The following KCNH3 variants were observed in gnomAD, a reference collection of about 807,000 sequenced individuals.
The protein encoded by KCNH3 is voltage-gated inwardly rectifying potassium channel KCNH3.
Under a neutral mutation model 95.6 loss-of-function variants are expected in KCNH3, and 36 were observed. The observed-to-expected ratio is 0.38, with a 90% confidence interval of 0.29 to 0.50. The LOEUF (loss-of-function observed/expected upper bound fraction) is 0.50. KCNH3 is among the 20% of genes least tolerant of loss of function. The pLI is 0.95. For missense variants in KCNH3, 1,030 were observed against 1,484.1 expected (o/e 0.69, Z 5.03); for synonymous variants, 620 against 646.3 (o/e 0.96, Z 0.62).
Position 49,554,543 on chromosome 12 carries a change from G to A in KCNH3, c.2125G>A (p.Gly709Ser). The A allele has an allele frequency of 1.2e-6, 2 of 1,612,768 alleles. No individual in the cohort carries two copies. Among genetic ancestry groups the A allele is most frequent in the Non-Finnish European group, 1.7e-6 (2 of 1,179,358 alleles). Reference sequence around the variant, plus strand: ...CAGCTACAACCTGGGTGCTGGGGGAGGCTCTGCAGAGGTGAGTGTGCTGAG... The same window carrying A: ...CAGCTACAACCTGGGTGCTGGGGGAAGCTCTGCAGAGGTGAGTGTGCTGAG... ...ELSYNLGAGG[G>S]SAEVDTSSLS... is the part of the protein sequence containing the mutation. The change falls in exon 11 of 15, where the codon GGC (glycine) becomes AGC (serine). Residue 709 changes from glycine (G) to serine (S), a missense_variant. This residue lies in a region of KCNH3 where 464 missense variants were observed against 493.2 expected (regional missense o/e 0.94). Transcript: ENST00000257981.
rs371807321 is a variant in KCNH3 at position 49,556,376 on chromosome 12, A to G, written c.2475A>G (p.Val825=). The G allele has an allele frequency of 6.8e-6, 11 of 1,612,688 alleles. No homozygotes were observed. In the East Asian group the frequency reaches 2.0e-4, roughly 29 times the overall value. ...NVPPDLSPRV[V]DGIEDGCGSD... ...CTGGTACCTGGGTTCACAGGGTAGTAGATGGCATTGAAGACGGCTGTGGCT... is the reference window on the plus strand; with the variant it reads ...CTGGTACCTGGGTTCACAGGGTAGTGGATGGCATTGAAGACGGCTGTGGCT... The change falls in exon 13 of 15, where the codon GTA becomes GTG. Residue 825 remains valine, a synonymous_variant. Coordinates refer to ENST00000257981, the MANE Select transcript of KCNH3 (RefSeq NM_012284.3).
At chr12:49,545,381 C>T (rs543616651) in intron 7 of KCNH3, among the ~76,000 whole-genome samples, 1 of 151,346 alleles carries the variant, frequency 6.6e-6, no homozygotes, top group South Asian at 2.1e-4. Context: ...TGACATTTAG[C>T]CGGGTTTCCA....
intron 9 of KCNH3, among the ~76,000 whole-genome samples, 178 bp downstream of exon 9, chr12:49,549,818 T>G (rs1272911062): frequency 6.6e-6 from 1 of 152,228 alleles, no homozygotes; most frequent in Non-Finnish European, 1.5e-5. Flanking sequence ...GAGGGCCCTC[T>G]GAACCGCAGT....
intron 11 of KCNH3, among the ~76,000 whole-genome samples, 157 bp from the exon 12 acceptor site, chr12:49,555,463 G>A (rs926744070): frequency 6.8e-6 from 1 of 147,494 alleles, no homozygotes; most frequent in African/African-American, 2.6e-5. Context: ...AAAAAAAAAA[G>A]ATAGTATCAT....
chr12:49,545,700 G>A (rs771150525), intron 7 of KCNH3, among the ~76,000 whole-genome samples: 1 of 151,946 alleles, frequency 6.6e-6, no homozygotes, highest in East Asian at 1.9e-4. Context: ...AGGTGGCCTC[G>A]TATGACTGTC....
chr12:49,539,493 G>A lies in KCNH3; in HGVS notation c.76+1G>A. ...ATCGCTACGCGCTTCGACGGCACGC[G>A]TGAGTCCGACCCTCGCCCACTTGCA... On this transcript the variant is annotated splice_donor_variant, in intron 1 of 14. Transcript: ENST00000257981. LOFTEE classifies it high-confidence loss of function. This position sits in a 1 kb window ranked among gnomAD's most constrained non-coding sequence, Gnocchi z 6.7. 6.3e-7 allele frequency: 1 copy of A among 1,587,670 alleles called. No individual in the cohort carries two copies. The highest frequency in any genetic ancestry group is 8.6e-7 in the Non-Finnish European group (1 of 1,169,010).
In KCNH3 at chr12:49,557,845, AG is replaced by A; in HGVS notation, c.3149del (p.Gly1050AlafsTer39). ...TSTGEPPPGS[G>X]GLALPWDPHS... Reference sequence around the variant, plus strand: ...GCACTGGAGAGCCCCCACCAGGGTCAGGGGGCCTGGCCTTGCCCTGGGACCC... The same window carrying A: ...GCACTGGAGAGCCCCCACCAGGGTCAGGGGCCTGGCCTTGCCCTGGGACCC... On this transcript the variant is annotated frameshift_variant, in exon 15 of 15. Transcript: ENST00000257981. LOFTEE classifies it high-confidence loss of function. 2 of 1,594,706 alleles carry A rather than the reference AG, an allele frequency of 1.3e-6. No homozygotes were observed. The highest frequency in any genetic ancestry group is 1.7e-6 in the Non-Finnish European group (2 of 1,168,202).
chr12:49,556,776 C>T (rs1053913615), intron 13 of KCNH3: 55 of 662,040 alleles, frequency 8.3e-5, no homozygotes, highest in African/African-American at 8.0e-4. Flanking sequence ...TTGATGTTTA[C>T]GTTATATAAT....
At chr12:49,543,610 G>A in intron 5 of KCNH3, 92 bp downstream of exon 5, 1 of 1,472,578 alleles carries the variant, frequency 6.8e-7, no homozygotes, top group Non-Finnish European at 9.1e-7. Flanking sequence ...GTGCTACAGT[G>A]CCCCCCTCGC....
In KCNH3 at chr12:49,549,687, G is replaced by A. The variant is rs753669355; in HGVS notation, c.1668+47G>A. The stretch of plus-strand genomic sequence containing the variant: ...CTGCTAGCCTTTGCTCCCTCAGGGG[G>A]TTTGCAATAGCCTAGAATTATCAGG... On this transcript the variant is annotated intron_variant, in intron 9 of 14. Coordinates refer to ENST00000257981, the MANE Select transcript of KCNH3 (RefSeq NM_012284.3). 3.9e-6 allele frequency: 6 copies of A among 1,536,870 alleles called. No individual in the cohort carries two copies. The South Asian group carries it at 4.6e-5, about 12-fold the overall frequency.
At chr12:49,542,978 A>G in intron 4 of KCNH3, 139 bp downstream of exon 4, 2 of 1,179,580 alleles carry the variant, frequency 1.7e-6, no homozygotes, top group Non-Finnish European at 2.3e-6. Flanking sequence ...GGACTGAAGG[A>G]GGGAAGATCA....
rs1449082991 is a variant in KCNH3, at chr12:49,544,192, G to A, written c.999G>A (p.Leu333=). The change falls in exon 7 of 15, where the codon CTG becomes CTA. Residue 333 remains leucine, a synonymous_variant. Coordinates refer to ENST00000257981, the MANE Select transcript of KCNH3 (RefSeq NM_012284.3). ...FKVNVYFGAH[L]LKTVRLLRLL... is the part of the protein sequence containing the mutation. ...CATCTCAGTACTTCGGGGCCCATCTGCTGAAGACGGTGCGCCTGCTGCGCC... is the reference window on the plus strand; with the variant it reads ...CATCTCAGTACTTCGGGGCCCATCTACTGAAGACGGTGCGCCTGCTGCGCC... 1.8e-5 allele frequency: 25 copies of A among 1,426,462 alleles called. No homozygotes were observed. The Middle Eastern group carries it at 1.5e-3, about 88-fold the overall frequency. The allele number at this position is 1,426,462 out of a possible 1,614,324, so 88.4% of individuals were successfully genotyped here.
At position 49,539,359 on chromosome 12, in the gene KCNH3, C is replaced by T; in HGVS notation, c.-58C>T. On this transcript the variant is annotated 5_prime_UTR_variant, in exon 1 of 15. Coordinates refer to ENST00000257981, the MANE Select transcript of KCNH3 (RefSeq NM_012284.3). The surrounding 1 kb of genome is among the most constrained non-coding windows in gnomAD (Gnocchi z 6.7). ...GGGGCGGCCGAGCTGGGCGCCCTCC[C>T]CCGGCGCGGAGTCCCCGCACCCCGG... is the stretch of plus-strand genomic sequence containing the variant. The T allele has an allele frequency of 8.3e-7, 1 of 1,199,702 alleles. No homozygotes were observed. The highest frequency in any genetic ancestry group is 3.2e-5 in the East Asian group (1 of 30,926). 74.3% of individuals were successfully genotyped at this position (1,199,702 alleles called of 1,614,324 possible). A position where few individuals can be genotyped will look rare whatever the true frequency, so the allele number is the denominator to read the frequency against.
chr12:49,544,138 A>ACCTC (rs145700366), intron 6 of KCNH3, 37 bp from the exon 7 acceptor site: 27,928 of 1,528,776 alleles, frequency 0.018, 876 homozygotes, highest in African/African-American at 0.17. Context: ...CGGCCCGCTG[A>ACCTC]CCTCCCTCCC....
chr12:49,540,225 AGCC>A (rs2138135278), intron 1 of KCNH3, among the ~76,000 whole-genome samples: 1 of 152,254 alleles, frequency 6.6e-6, no homozygotes, highest in Non-Finnish European at 1.5e-5. Flanking sequence ...GTGGGAGCCC[AGCC>A]CTGCGCTCTC....
At chr12:49,547,617 C>T (rs1011226810) in intron 7 of KCNH3, among the ~76,000 whole-genome samples, 2 of 152,194 alleles carry the variant, frequency 1.3e-5, no homozygotes, top group Non-Finnish European at 2.9e-5. Flanking sequence ...CTGTGGGGCC[C>T]CCAGCTCCTG....
At position 49,558,196 on chromosome 12, in the gene KCNH3, G is replaced by A. The variant is rs964886773; in HGVS notation, c.*243G>A. 10 of 414,174 alleles carry A rather than the reference G, an allele frequency of 2.4e-5. No individual in the cohort carries two copies. Among genetic ancestry groups the A allele is most frequent in the Non-Finnish European group, 4.2e-5 (10 of 238,618 alleles). The allele number at this position is 414,174 out of a possible 1,614,324, so 25.7% of individuals were successfully genotyped here. A position where few individuals can be genotyped will look rare whatever the true frequency, so the allele number is the denominator to read the frequency against. On this transcript the variant is annotated 3_prime_UTR_variant, in exon 15 of 15. Coordinates refer to ENST00000257981, the MANE Select transcript of KCNH3 (RefSeq NM_012284.3). ...TCCCGGTCTCCCTCTGCAGGCTGGGGGCAGAGGCCTGAGGACAAGGAAGAG... is the reference window on the plus strand; with the variant it reads ...TCCCGGTCTCCCTCTGCAGGCTGGGAGCAGAGGCCTGAGGACAAGGAAGAG...
At chr12:49,550,441 C>A in intron 10 of KCNH3, 112 bp downstream of exon 10, 1 of 1,361,060 alleles carries the variant, frequency 7.3e-7, no homozygotes, top group Non-Finnish European at 9.9e-7. Context: ...AGAGAAACAG[C>A]CAGGGTGGAG....
In KCNH3 at chr12:49,558,191, C is replaced by T; in HGVS notation, c.*238C>T. 1 of 418,382 alleles carries T rather than the reference C, an allele frequency of 2.4e-6. No individual in the cohort carries two copies. The highest frequency in any genetic ancestry group is 4.1e-6 in the Non-Finnish European group (1 of 242,260). 25.9% of individuals were successfully genotyped at this position (418,382 alleles called of 1,614,324 possible). A position where few individuals can be genotyped will look rare whatever the true frequency, so the allele number is the denominator to read the frequency against. On this transcript the variant is annotated 3_prime_UTR_variant, in exon 15 of 15. Coordinates refer to ENST00000257981, the MANE Select transcript of KCNH3 (RefSeq NM_012284.3). The stretch of plus-strand genomic sequence containing the variant: ...TGACCTCCCGGTCTCCCTCTGCAGG[C>T]TGGGGGCAGAGGCCTGAGGACAAGG...
Sources: allele counts gnomAD v4.1 joint callset (sites outside exome capture counted in the v4.1 genomes callset), GRCh38; gene constraint gnomAD v4.1.1; regional missense constraint gnomAD v4.1.1; non-coding constraint Gnocchi (gnomAD v3.1); transcripts MANE v1.5; gene names NCBI Gene and HGNC (gene_info 2026-07-23, HGNC 2026-07-21).